The following CAMK1D variants were observed in gnomAD, a reference collection of about 807,000 sequenced individuals.
CAMK1D encodes the protein calcium/calmodulin dependent protein kinase ID.
Under a neutral mutation model 47.7 loss-of-function variants are expected in CAMK1D, and 9 were observed. That is an observed-to-expected ratio of 0.19 (90% CI 0.11 to 0.33). The LOEUF is 0.33. Ranked by LOEUF, CAMK1D falls within the 10% of genes least tolerant of loss-of-function variation. The pLI is 1.00. For missense variants in CAMK1D, 291 were observed against 488.7 expected (o/e 0.60, Z 3.81); for synonymous variants, 184 against 184.9 (o/e 0.99, Z 0.04).
At chr10:12,820,243 T>C (rs550022916) in intron 8 of CAMK1D, among the ~76,000 whole-genome samples, 20 of 152,354 alleles carry the variant, frequency 1.3e-4, no homozygotes, top group African/African-American at 3.6e-4. Flanking sequence ...TTTCACCATG[T>C]TGGCCAGGAT....
rs141994316 is a variant in CAMK1D, at chr10:12,700,534, C to G, written c.299+33724C>G. Among the ~76,000 whole-genome samples the G allele has an allele frequency of 1.4e-4, 22 of 152,338 alleles. 1 individual carries two copies. The highest frequency in any genetic ancestry group is 7.8e-4 in the Admixed American group (12 of 15,296). ...TCAAGATGAGATTTGGGTGGGGACACAGCCAACCAATATTACTCAGCCTTT... is the reference window on the plus strand; with the variant it reads ...TCAAGATGAGATTTGGGTGGGGACAGAGCCAACCAATATTACTCAGCCTTT... On this transcript the variant is annotated intron_variant, in intron 3 of 10. Coordinates refer to ENST00000619168, the MANE Select transcript of CAMK1D (RefSeq NM_153498.4).
chr10:12,553,169 C>A (rs901547225), intron 1 of CAMK1D, 56 bp from the exon 2 acceptor site: 1 of 1,611,296 alleles, frequency 6.2e-7, no homozygotes, highest in Admixed American at 1.7e-5. Context: ...TGAATGGAGC[C>A]ATTGTGAAAC....
At chr10:12,359,271 G>A (rs138186234) in intron 1 of CAMK1D, among the ~76,000 whole-genome samples, 186 of 152,316 alleles carry the variant, frequency 1.2e-3, no homozygotes, top group African/African-American at 4.3e-3. Context: ...AGAGCCGTGT[G>A]TGGCACGTGG....
chr10:12,767,530 GAC>G (rs1330073130), intron 4 of CAMK1D, among the ~76,000 whole-genome samples: 1 of 152,124 alleles, frequency 6.6e-6, no homozygotes, highest in Non-Finnish European at 1.5e-5. Flanking sequence ...ATGTGCCCAT[GAC>G]ACAGCCTCAA....
intron 4 of CAMK1D, among the ~76,000 whole-genome samples, chr10:12,764,178 C>T (rs190611260): frequency 2.6e-5 from 4 of 151,964 alleles, no homozygotes; most frequent in Admixed American, 6.5e-5. Context: ...GTCAGGAGTT[C>T]GAGACCAGCC....
At position 12,660,046 on chromosome 10, in the gene CAMK1D, C is replaced by G. The variant is rs865928947; in HGVS notation, c.225-6690C>G. On this transcript the variant is annotated intron_variant, in intron 2 of 10. Transcript: ENST00000619168. ...TCTCCCTTCCGATTGTATTTTCTTA[C>G]ATCCCTTGTCTTCATCTGGCGTTCA... is the stretch of plus-strand genomic sequence containing the variant. 1.3e-5 allele frequency among the ~76,000 whole-genome samples: 2 copies of G among 152,320 alleles called. 1 individual carries two copies. The highest frequency in any genetic ancestry group is 6.8e-3 in the Middle Eastern group (2 of 294).
intron 10 of CAMK1D, among the ~76,000 whole-genome samples, chr10:12,826,518 A>G (rs568224911): frequency 5.9e-5 from 9 of 152,050 alleles, no homozygotes; most frequent in African/African-American, 1.9e-4. Flanking sequence ...CTCTCTCCTT[A>G]TCTCTCTCCC....
chr10:12,607,494 G>A (rs182711320), intron 2 of CAMK1D, among the ~76,000 whole-genome samples: 38 of 152,270 alleles, frequency 2.5e-4, no homozygotes, highest in African/African-American at 7.9e-4. Flanking sequence ...TGCACTGTTC[G>A]CATCCCTGAG....
chr10:12,437,206 A>T (rs1832661484), intron 1 of CAMK1D, among the ~76,000 whole-genome samples: 1 of 151,772 alleles, frequency 6.6e-6, no homozygotes, highest in Non-Finnish European at 1.5e-5. Flanking sequence ...CTGTCTATGT[A>T]ATCTATCTAG....
chr10:12,423,807 G>C (rs1405497584), intron 1 of CAMK1D, among the ~76,000 whole-genome samples: 1 of 152,226 alleles, frequency 6.6e-6, no homozygotes, highest in Non-Finnish European at 1.5e-5. Context: ...TTGTTCTGAG[G>C]TTTGGTTTCT....
chr10:12,476,772 G>A (rs923103894), intron 1 of CAMK1D, among the ~76,000 whole-genome samples: 2 of 152,120 alleles, frequency 1.3e-5, no homozygotes, highest in Admixed American at 1.3e-4. Flanking sequence ...AGTCATGGCA[G>A]CTTTTCTCTT....
In CAMK1D at chr10:12,835,357, T is replaced by C. The variant is rs1207296558; in HGVS notation, c.*6470T>C. The C allele has an allele frequency of 2.0e-5, 3 of 152,368 alleles. No individual in the cohort carries two copies. The East Asian group carries it at 5.8e-4, about 29-fold the overall frequency. The allele number at this position is 152,368 out of a possible 1,614,324, so 9.4% of individuals were successfully genotyped here. ...GAAGGGAAACTGTGAATTTATTCCA[T>C]GCATGTAATAAACTCTGCAAGAAGT... is the stretch of plus-strand genomic sequence containing the variant. On this transcript the variant is annotated 3_prime_UTR_variant, in exon 11 of 11. Coordinates refer to ENST00000619168, the MANE Select transcript of CAMK1D (RefSeq NM_153498.4).
At chr10:12,616,377 G>A (rs1838816805) in intron 2 of CAMK1D, among the ~76,000 whole-genome samples, 1 of 152,196 alleles carries the variant, frequency 6.6e-6, no homozygotes, top group Non-Finnish European at 1.5e-5. Context: ...GAGACAGACT[G>A]TTCTAAACCC....
chr10:12,675,330 C>G (rs1840770849), intron 3 of CAMK1D, among the ~76,000 whole-genome samples: 5 of 152,202 alleles, frequency 3.3e-5, no homozygotes, highest in African/African-American at 1.2e-4. Context: ...GTCTTCTCAG[C>G]AGTTCCATTT....
chr10:12,630,373 C>CTTT lies in CAMK1D; in HGVS notation c.225-36350_225-36348dup, dbSNP rs57333952. ...GCTAAGATTTACTTTCTTTTTCTTT[C>CTTT]TTTTTTTTTTTTTTTAAAAAAAAGA... is the stretch of plus-strand genomic sequence containing the variant. On this transcript the variant is annotated intron_variant, in intron 2 of 10. Coordinates refer to ENST00000619168, the MANE Select transcript of CAMK1D (RefSeq NM_153498.4). Among the ~76,000 whole-genome samples, 776 of 93,668 alleles carry CTTT rather than the reference C, an allele frequency of 8.3e-3. 6 individuals are homozygous for CTTT. Among genetic ancestry groups the CTTT allele is most frequent in the African/African-American group, 0.018 (493 of 27,150 alleles). The allele number at this position is 93,668 out of a possible 152,430, so 61.4% of individuals were successfully genotyped here.
At chr10:12,668,775 T>C (rs1330582122) in intron 3 of CAMK1D, among the ~76,000 whole-genome samples, 1 of 152,096 alleles carries the variant, frequency 6.6e-6, no homozygotes, top group Non-Finnish European at 1.5e-5. Flanking sequence ...ATCGCAAATA[T>C]GGGTTGACAT....
intron 1 of CAMK1D, among the ~76,000 whole-genome samples, chr10:12,540,639 A>C (rs1434986566): frequency 2.6e-5 from 4 of 152,232 alleles, no homozygotes. Flanking sequence ...TTTCAGACAT[A>C]GGATTGTACT....
At chr10:12,828,505 G>GTGGC (rs1232345750) in intron 10 of CAMK1D, among the ~76,000 whole-genome samples, 88 of 152,128 alleles carry the variant, frequency 5.8e-4, no homozygotes, top group Non-Finnish European at 1.1e-3. Context: ...GCCCGGCGTG[G>GTGGC]TGGTGAGCCC....
At chr10:12,740,768 G>C (rs1167556406) in intron 3 of CAMK1D, among the ~76,000 whole-genome samples, 1 of 151,746 alleles carries the variant, frequency 6.6e-6, no homozygotes, top group African/African-American at 2.4e-5. Context: ...TTTTGTTTTT[G>C]TTTTTTTTGC....
Sources: gnomAD v4.1 joint callset for allele counts (sites outside exome capture counted in the v4.1 genomes callset) on GRCh38, gnomAD v4.1.1 for gene constraint, MANE v1.5 for transcripts, NCBI Gene and HGNC (gene_info 2026-07-23, HGNC 2026-07-21) for gene names.